Variants in TERB1 observed in about 807,000 individuals in gnomAD.
The protein encoded by TERB1 is telomere repeat binding bouquet formation protein 1, also known as telomere repeats-binding bouquet formation protein 1.
A neutral mutation model predicts 92.3 loss-of-function variants in TERB1; 63 were observed. The observed-to-expected ratio is 0.68, with a 90% CI of 0.56 to 0.84. TERB1 has a LOEUF of 0.84. TERB1 is among the 40% of genes least tolerant of loss of function. The probability of loss-of-function intolerance (pLI) is 0.00; values close to 1 mark genes in which losing one functional copy is unlikely to be tolerated. For missense variants in TERB1, 709 were observed against 843.7 expected, an observed-to-expected ratio of 0.84 and a Z score of 1.98; for synonymous variants, 252 against 283.9, an observed-to-expected ratio of 0.89 and a Z score of 1.13.
At chr16:66,765,958 G>A (rs894411599) in intron 16 of TERB1, among the ~76,000 whole-genome samples, 1 of 127,808 alleles carries the variant, frequency 7.8e-6, no homozygotes, top group Non-Finnish European at 1.6e-5. Flanking sequence ...TGCAAGCTCC[G>A]CTTCCCGGGT....
At chr16:66,770,643 CCTTT>C (rs1483876533) in intron 13 of TERB1, among the ~76,000 whole-genome samples, 1 of 151,918 alleles carries the variant, frequency 6.6e-6, no homozygotes, top group African/African-American at 2.4e-5. Context: ...GGGTATAAGA[CCTTT>C]CTAAGTATTA....
chr16:66,757,335 G>T (rs1233051081), intron 18 of TERB1, among the ~76,000 whole-genome samples: 3 of 152,116 alleles, frequency 2.0e-5, no homozygotes, highest in African/African-American at 4.8e-5. Flanking sequence ...ATTTCATGAA[G>T]TTCTGCAAAT....
chr16:66,759,156 G>C lies in TERB1; in HGVS notation c.1915C>G (p.Leu639Val), dbSNP rs768071985. 1.3e-6 allele frequency: 2 copies of C among 1,542,064 alleles called. No homozygotes were observed. The highest frequency in any genetic ancestry group is 1.7e-6 in the Non-Finnish European group (2 of 1,144,586). The part of the protein sequence containing the change: ...DRYKSELRKS[L>V]ICNKKILLTP... ...AATTAATTACTTTTGTTACAGATAA[G>C]TGATTTCCTTAGTTCACTTTTATAT... Residue 639 changes from leucine to valine, a missense_variant, in exon 17 of 19, where the codon CTT (leucine) becomes GTT (valine). Physicochemically the swap from Leu to Val is conservative, Grantham distance 32. Coordinates refer to ENST00000433154, the MANE Select transcript of TERB1 (RefSeq NM_001136505.2).
chr16:66,781,478 C>T (rs190700679), intron 9 of TERB1, among the ~76,000 whole-genome samples: 1 of 149,020 alleles, frequency 6.7e-6, no homozygotes, highest in East Asian at 2.0e-4. Flanking sequence ...TGTCTTCTTA[C>T]TGATTTATAA....
At chr16:66,796,726 A>G (rs1438615554) in intron 3 of TERB1, 42 bp downstream of exon 3, 1 of 1,404,520 alleles carries the variant, frequency 7.1e-7, no homozygotes, top group Non-Finnish European at 9.9e-7. Context: ...CATCCTACCA[A>G]TACAAAACTC....
At chr16:66,793,760 G>T (rs1321193560) in intron 3 of TERB1, among the ~76,000 whole-genome samples, 1 of 151,872 alleles carries the variant, frequency 6.6e-6, no homozygotes, top group Admixed American at 6.6e-5. Flanking sequence ...CAATCCATCT[G>T]CCTTGGGCTC....
intron 11 of TERB1, 120 bp from the exon 12 acceptor site, chr16:66,775,363 G>C: frequency 2.3e-6 from 2 of 876,130 alleles, no homozygotes; most frequent in East Asian, 5.7e-5. Context: ...GCCAGGAACG[G>C]TGGCTCACTC....
chr16:66,793,075 A>G (rs1427221729), intron 3 of TERB1, among the ~76,000 whole-genome samples: 13 of 151,682 alleles, frequency 8.6e-5, no homozygotes, highest in Non-Finnish European at 1.5e-5. Context: ...TCTCAAAAAA[A>G]CAAAACAAAA....
At chr16:66,790,330 G>A (rs2018808762) in intron 5 of TERB1, among the ~76,000 whole-genome samples, 1 of 141,572 alleles carries the variant, frequency 7.1e-6, no homozygotes, top group African/African-American at 2.9e-5. Flanking sequence ...GGAGGGGAAG[G>A]GAAGAGAAAA....
At position 66,790,708 on chromosome 16, in the gene TERB1, T is replaced by A. The variant is rs1192708010; in HGVS notation, c.158A>T (p.Tyr53Phe). The stretch of plus-strand genomic sequence containing the variant: ...CATCAAACCACCAATTTCCCGAAAA[T>A]AAACACTTGCATTACCTGTAGGATG... ...ICQQNSNASV[Y>F]FREIGGLMFV... The change falls in exon 5 of 19, where the codon TAT becomes TTT. Residue 53 changes from tyrosine (Y) to phenylalanine (F), a missense_variant. Tyr to Phe is a conservative substitution (Grantham distance 22). Coordinates refer to ENST00000433154, the MANE Select transcript of TERB1 (RefSeq NM_001136505.2). 1 of 1,550,768 alleles carries A rather than the reference T, an allele frequency of 6.4e-7. No homozygotes were observed. The highest frequency in any genetic ancestry group is 1.2e-5 in the South Asian group (1 of 83,986).
At position 66,771,638 on chromosome 16, in the gene TERB1, TACACACACACACACACAC is replaced by T. The variant is rs57620654; in HGVS notation, c.1272+933_1272+950del. ...ATATCTCATTAAAGCTGTTACAGAATACACACACACACACACACACACACACACACACACACACACACG... is the reference window on the plus strand; with the variant it reads ...ATATCTCATTAAAGCTGTTACAGAATACACACACACACACACACACACACG... On this transcript the variant is annotated intron_variant, in intron 13 of 18. Transcript: ENST00000433154. 1.4e-3 allele frequency among the ~76,000 whole-genome samples: 201 copies of T among 143,068 alleles called. 1 individual carries two copies. The highest frequency in any genetic ancestry group is 1.8e-3 in the African/African-American group (70 of 39,752). 93.9% of individuals were successfully genotyped at this position (143,068 alleles called of 152,430 possible).
At chr16:66,790,867 A>C in intron 4 of TERB1, 42 bp downstream of exon 4, 1 of 1,441,102 alleles carries the variant, frequency 6.9e-7, no homozygotes, top group Non-Finnish European at 9.5e-7. Flanking sequence ...CAGAGTACTA[A>C]AGAACTAGAA....
intron 3 of TERB1, among the ~76,000 whole-genome samples, chr16:66,793,850 G>C (rs1425646711): frequency 6.6e-6 from 1 of 152,008 alleles, no homozygotes; most frequent in Non-Finnish European, 1.5e-5. Context: ...CTGTCAATTT[G>C]TTTCAATGAA....
intron 16 of TERB1, among the ~76,000 whole-genome samples, chr16:66,761,581 A>G (rs756028383): frequency 6.6e-6 from 1 of 150,424 alleles, no homozygotes; most frequent in Non-Finnish European, 1.5e-5. Context: ...ACTTGGGCTC[A>G]AGAATTCAAG....
intron 16 of TERB1, among the ~76,000 whole-genome samples, chr16:66,760,199 G>A (rs1052568139): frequency 8.0e-6 from 1 of 124,292 alleles, no homozygotes; most frequent in Non-Finnish European, 1.7e-5. Flanking sequence ...AATGGCTCAT[G>A]CCTGTAACCC....
In TERB1 at chr16:66,765,634, T is replaced by A. The variant is rs568165976; in HGVS notation, c.1780+1781A>T. 4.0e-5 allele frequency among the ~76,000 whole-genome samples: 6 copies of A among 151,550 alleles called. No individual in the cohort carries two copies. In the East Asian group the frequency reaches 1.2e-3, roughly 30 times the overall value. On this transcript the variant is annotated intron_variant, in intron 16 of 18. Coordinates refer to ENST00000433154, the MANE Select transcript of TERB1 (RefSeq NM_001136505.2). The stretch of plus-strand genomic sequence containing the variant: ...TGCCATGCCCAGCTAATTTTTTGTA[T>A]TTTAGTAGAGACGGGGTTTCACCGT...
At chr16:66,763,797 G>C (rs185752699) in intron 16 of TERB1, among the ~76,000 whole-genome samples, 4 of 152,298 alleles carry the variant, frequency 2.6e-5, no homozygotes, top group Admixed American at 2.0e-4. Context: ...TGTCAGCCAT[G>C]TCCATCCAGT....
At chr16:66,777,179 A>G (rs1292206518) in intron 11 of TERB1, 24 bp downstream of exon 11, 3 of 1,507,934 alleles carry the variant, frequency 2.0e-6, no homozygotes, top group African/African-American at 2.8e-5. Flanking sequence ...TTTAATAACC[A>G]CACTCAATAA....
intron 3 of TERB1, among the ~76,000 whole-genome samples, chr16:66,792,459 G>T (rs145931930): frequency 1.3e-5 from 2 of 152,060 alleles, no homozygotes; most frequent in African/African-American, 2.4e-5. Context: ...GAAATAAAAG[G>T]CACCCAAATT....
Sources: gnomAD v4.1 joint callset for allele counts (sites outside exome capture counted in the v4.1 genomes callset) on GRCh38, gnomAD v4.1.1 for gene constraint, MANE v1.5 for transcripts, NCBI Gene and HGNC (gene_info 2026-07-23, HGNC 2026-07-21) for gene names.